The following CDKN2AIPNL variants were observed in gnomAD, a reference collection of about 807,000 sequenced individuals.
CDKN2AIPNL encodes CDKN2AIP N-terminal-like protein.
In CDKN2AIPNL, 9 loss-of-function variants were observed where a neutral mutation model predicts 12.9. That is an observed-to-expected ratio of 0.70 (90% CI 0.42 to 1.22). The LOEUF is 1.22. CDKN2AIPNL is among the 50% of genes most tolerant of loss of function. CDKN2AIPNL has a pLI of 0.00. For synonymous variants in CDKN2AIPNL, 53 were observed against 61.7 expected, an observed-to-expected ratio of 0.86 and a Z score of 0.66; for missense variants, 143 against 153.6, an observed-to-expected ratio of 0.93 and a Z score of 0.37.
intron 2 of CDKN2AIPNL, among the ~76,000 whole-genome samples, chr5:134,403,687 C>A (rs1189582187): frequency 1.3e-5 from 2 of 152,200 alleles, no homozygotes; most frequent in Non-Finnish European, 1.5e-5. Flanking sequence ...TGCAGTGGCA[C>A]GATCTTGGCT....
chr5:134,410,336 T>C lies in CDKN2AIPNL; in HGVS notation c.240-334A>G, dbSNP rs374369978. 4.6e-5 allele frequency among the ~76,000 whole-genome samples: 7 copies of C among 152,308 alleles called. No individual in the cohort carries two copies. The East Asian group carries it at 1.2e-3, about 25-fold the overall frequency. ...TTTTAGTAGAGACAGGGTTTCACCA[T>C]GTTGGCCAGGCTGGTCTCCAACTCC... On this transcript the variant is annotated intron_variant, in intron 1 of 2. Transcript: ENST00000458198.
At position 134,406,613 on chromosome 5, in the gene CDKN2AIPNL, A is replaced by C. The variant is rs533888945; in HGVS notation, c.339+3290T>G. ...GAATGGGCTTATCTGGAAGAGTCTTAAAGATTCACCAGGCACAGTGACTCA... is the reference window on the plus strand; with the variant it reads ...GAATGGGCTTATCTGGAAGAGTCTTCAAGATTCACCAGGCACAGTGACTCA... On this transcript the variant is annotated intron_variant, in intron 2 of 2. Transcript: ENST00000458198. 5.3e-5 allele frequency among the ~76,000 whole-genome samples: 8 copies of C among 152,292 alleles called. No individual in the cohort carries two copies. The South Asian group carries it at 1.4e-3, about 28-fold the overall frequency.
intron 1 of CDKN2AIPNL, chr5:134,410,653 A>T (rs548554692): frequency 9.6e-6 from 2 of 207,792 alleles, no homozygotes; most frequent in East Asian, 2.2e-4. Context: ...ATGGAAAACC[A>T]GGATTTCCCA....
chr5:134,405,345 T>C (rs946581897), intron 2 of CDKN2AIPNL, among the ~76,000 whole-genome samples: 1 of 150,976 alleles, frequency 6.6e-6, no homozygotes, highest in Non-Finnish European at 1.5e-5. Context: ...GACCTTGTGA[T>C]CCGCCCGCCT....
intron 1 of CDKN2AIPNL, among the ~76,000 whole-genome samples, chr5:134,410,359 T>C (rs749614180): frequency 6.6e-6 from 1 of 152,282 alleles, no homozygotes; most frequent in Non-Finnish European, 1.5e-5. Context: ...GGTCTCCAAC[T>C]CCTGACCTCA....
chr5:134,409,209 G>C (rs1759154545), intron 2 of CDKN2AIPNL, among the ~76,000 whole-genome samples: 1 of 152,152 alleles, frequency 6.6e-6, no homozygotes, highest in South Asian at 2.1e-4. Flanking sequence ...AAGAGCCCTG[G>C]ATAAAGTGCC....
intron 2 of CDKN2AIPNL, among the ~76,000 whole-genome samples, chr5:134,404,496 ATTTTATTTTTTG>A (rs1759072381): frequency 6.6e-6 from 1 of 151,766 alleles, no homozygotes; most frequent in African/African-American, 2.4e-5. Flanking sequence ...GGTAGTTTTT[ATTTTATTTTTTG>A]TTGCAACAAA....
chr5:134,410,392 T>C (rs577740273), intron 1 of CDKN2AIPNL, among the ~76,000 whole-genome samples: 8 of 152,136 alleles, frequency 5.3e-5, no homozygotes, highest in Non-Finnish European at 8.8e-5. Flanking sequence ...CCCAAAGTGC[T>C]AGGATTACTG....
chr5:134,406,810 C>T (rs138706068), intron 2 of CDKN2AIPNL, among the ~76,000 whole-genome samples: 210 of 152,290 alleles, frequency 1.4e-3, no homozygotes, highest in Non-Finnish European at 2.4e-3. Context: ...GTCAAGGCTG[C>T]GGGTAGCCGT....
At chr5:134,405,520 G>GA in intron 2 of CDKN2AIPNL, among the ~76,000 whole-genome samples, 1 of 150,768 alleles carries the variant, frequency 6.6e-6, no homozygotes, top group Middle Eastern at 3.6e-3. Context: ...GGGTTCAAGT[G>GA]ATTCTCCTGC....
chr5:134,405,605 C>G (rs1231955871), intron 2 of CDKN2AIPNL, among the ~76,000 whole-genome samples: 4 of 151,774 alleles, frequency 2.6e-5, no homozygotes, highest in Non-Finnish European at 5.9e-5. Context: ...TTAGCAGAGA[C>G]GGGGTTTCAC....
intron 1 of CDKN2AIPNL, chr5:134,410,692 CG>C (rs1209546291): frequency 8.1e-6 from 2 of 246,558 alleles, no homozygotes; most frequent in Non-Finnish European, 1.6e-5. Context: ...GGAAAAGGGA[CG>C]GGTGCCTCTG....
At chr5:134,404,326 AT>A (rs557351689) in intron 2 of CDKN2AIPNL, among the ~76,000 whole-genome samples, 1 of 151,778 alleles carries the variant, frequency 6.6e-6, no homozygotes, top group Non-Finnish European at 1.5e-5. Flanking sequence ...TGACAGGCTG[AT>A]TTTTTTTAAC....
chr5:134,409,893 TC>T lies in CDKN2AIPNL; in HGVS notation c.339+9del, dbSNP rs781747179. 6.4e-7 allele frequency: 1 copy of T among 1,570,682 alleles called. No individual in the cohort carries two copies. Among genetic ancestry groups the T allele is most frequent in the East Asian group, 2.2e-5 (1 of 44,696 alleles). Reference sequence around the variant, plus strand: ...CCATTTCATCACATGCACTTGGAAATCCTATTTACCTTTTTCATTAATTCAC... The same window carrying T: ...CCATTTCATCACATGCACTTGGAAATCTATTTACCTTTTTCATTAATTCAC... On this transcript the variant is annotated intron_variant, in intron 2 of 2. Coordinates refer to ENST00000458198, the MANE Select transcript of CDKN2AIPNL (RefSeq NM_080656.3).
At chr5:134,409,632 A>G (rs1376755749) in intron 2 of CDKN2AIPNL, among the ~76,000 whole-genome samples, 1 of 152,210 alleles carries the variant, frequency 6.6e-6, no homozygotes, top group Non-Finnish European at 1.5e-5. Flanking sequence ...CTTTTTAAAC[A>G]TCAAGCAAAA....
chr5:134,405,169 A>C (rs1242156576), intron 2 of CDKN2AIPNL, among the ~76,000 whole-genome samples: 1 of 139,512 alleles, frequency 7.2e-6, no homozygotes, highest in Non-Finnish European at 1.6e-5. Flanking sequence ...GCAGTGGCGC[A>C]ATCTCGGCTC....
At chr5:134,408,678 C>G (rs1759144141) in intron 2 of CDKN2AIPNL, among the ~76,000 whole-genome samples, 1 of 151,994 alleles carries the variant, frequency 6.6e-6, no homozygotes, top group South Asian at 2.1e-4. Context: ...CAGGGAGACT[C>G]CCTCTCAAAA....
intron 1 of CDKN2AIPNL, 125 bp downstream of exon 1, chr5:134,411,491 A>C: frequency 1.3e-6 from 1 of 773,870 alleles, no homozygotes. Flanking sequence ...GGGCCGACCA[A>C]TGCGGATGGA....
chr5:134,406,460 T>C (rs1759104857), intron 2 of CDKN2AIPNL, among the ~76,000 whole-genome samples: 1 of 152,242 alleles, frequency 6.6e-6, no homozygotes, highest in South Asian at 2.1e-4. Flanking sequence ...GTGCAAAAAC[T>C]GCAGGCAAAG....
Sources: gnomAD v4.1 joint callset for allele counts (sites outside exome capture counted in the v4.1 genomes callset) on GRCh38, gnomAD v4.1.1 for gene constraint, MANE v1.5 for transcripts, NCBI Gene and HGNC (gene_info 2026-07-23, HGNC 2026-07-21) for gene names.